RBFOX1: variants seen among roughly 807,000 people sequenced by gnomAD.
RBFOX1 encodes the protein RNA binding protein fox-1 homolog 1.
In RBFOX1, 8 loss-of-function variants were observed where a neutral mutation model predicts 57.7. That is an observed-to-expected ratio of 0.14 (90% CI 0.08 to 0.25). The LOEUF (loss-of-function observed/expected upper bound fraction) is 0.25. Among genes scored for constraint, RBFOX1 ranks in the 10% least tolerant of loss-of-function variants. The pLI is 1.00. For synonymous variants in RBFOX1, 326 were observed against 222.4 expected, an observed-to-expected ratio of 1.47 and a Z score of -4.15; for missense variants, 611 against 548.5, an observed-to-expected ratio of 1.11 and a Z score of -1.14.
At chr16:6,126,875 G>A (rs954648007) in intron 1 of RBFOX1, among the ~76,000 whole-genome samples, 2 of 152,174 alleles carry the variant, frequency 1.3e-5, no homozygotes, top group African/African-American at 4.8e-5. Flanking sequence ...CTCCTGAGAA[G>A]CCAGCTTACA....
intron 3 of RBFOX1, among the ~76,000 whole-genome samples, chr16:5,822,294 AG>A (rs2055884316): frequency 6.6e-6 from 1 of 152,146 alleles, no homozygotes; most frequent in East Asian, 1.9e-4. Context: ...GAATAGGGAG[AG>A]GGGCAAGGGA....
chr16:6,836,518 G>C (rs569831274), intron 3 of RBFOX1, among the ~76,000 whole-genome samples: 2 of 152,286 alleles, frequency 1.3e-5, no homozygotes, highest in East Asian at 3.9e-4. Flanking sequence ...ACGTGAGTTA[G>C]CCTTAGGGTA....
At chr16:5,655,040 G>A (rs1330219453) in intron 3 of RBFOX1, among the ~76,000 whole-genome samples, 4 of 152,202 alleles carry the variant, frequency 2.6e-5, no homozygotes, top group Non-Finnish European at 5.9e-5. Context: ...AGGAGTCCTA[G>A]TGAGGACGCA....
At chr16:7,701,898 C>G (rs1346540346) in intron 14 of RBFOX1, among the ~76,000 whole-genome samples, 16 of 152,160 alleles carry the variant, frequency 1.1e-4, no homozygotes, top group Non-Finnish European at 4.4e-5. Context: ...TATGTTAATG[C>G]TTTCAGGAGG....
chr16:6,293,582 T>C (rs778736020), intron 1 of RBFOX1, among the ~76,000 whole-genome samples: 1 of 152,094 alleles, frequency 6.6e-6, no homozygotes, highest in East Asian at 1.9e-4. Flanking sequence ...GCAATAAACA[T>C]CTGTGAGGTA....
chr16:5,623,462 A>G (rs966509387), intron 3 of RBFOX1, among the ~76,000 whole-genome samples: 1 of 152,176 alleles, frequency 6.6e-6, no homozygotes, highest in African/African-American at 2.4e-5. Context: ...ATCACCAAAC[A>G]AACATGCATG....
At chr16:6,938,520 G>A (rs1366311821) in intron 3 of RBFOX1, among the ~76,000 whole-genome samples, 3 of 152,090 alleles carry the variant, frequency 2.0e-5, no homozygotes, top group Non-Finnish European at 4.4e-5. Context: ...ATTAAATAAG[G>A]TAAATGCCTA....
chr16:5,608,227 C>T (rs2047656303), intron 3 of RBFOX1, among the ~76,000 whole-genome samples: 1 of 152,192 alleles, frequency 6.6e-6, no homozygotes, highest in Non-Finnish European at 1.5e-5. Flanking sequence ...TTGTTACCCT[C>T]ACTTCACGGA....
At chr16:6,067,329 G>T (rs1013551290) in intron 1 of RBFOX1, among the ~76,000 whole-genome samples, 1 of 151,548 alleles carries the variant, frequency 6.6e-6, no homozygotes, top group Non-Finnish European at 1.5e-5. Flanking sequence ...TTCTGTGCCC[G>T]ATATAGCTTC....
At chr16:7,547,693 C>G (rs920851051) in intron 5 of RBFOX1, among the ~76,000 whole-genome samples, 1 of 152,168 alleles carries the variant, frequency 6.6e-6, no homozygotes, top group African/African-American at 2.4e-5. Context: ...ATTTTATTTT[C>G]GTGTTTTTAA....
At chr16:7,510,919 A>C (rs979760543) in intron 4 of RBFOX1, among the ~76,000 whole-genome samples, 6 of 152,158 alleles carry the variant, frequency 3.9e-5, no homozygotes, top group African/African-American at 1.4e-4. Flanking sequence ...TCTTCATTAT[A>C]AGGGTTGAGT....
chr16:6,820,647 A>G (rs2091114438), intron 3 of RBFOX1, among the ~76,000 whole-genome samples: 1 of 149,952 alleles, frequency 6.7e-6, no homozygotes, highest in African/African-American at 2.5e-5. Flanking sequence ...TGACAGAGCA[A>G]GACCCTGTCT....
intron 2 of RBFOX1, among the ~76,000 whole-genome samples, chr16:6,463,977 T>C (rs1271816236): frequency 6.6e-6 from 1 of 152,134 alleles, no homozygotes; most frequent in African/African-American, 2.4e-5. Context: ...CAAATGCTGT[T>C]ACCAGAAAGA....
At chr16:7,283,401 C>G (rs534462635) in intron 4 of RBFOX1, among the ~76,000 whole-genome samples, 2 of 151,988 alleles carry the variant, frequency 1.3e-5, no homozygotes, top group Admixed American at 1.3e-4. Context: ...CCATGAGTTC[C>G]CACAGTTGGA....
intron 2 of RBFOX1, among the ~76,000 whole-genome samples, chr16:6,573,097 C>A (rs894779393): frequency 3.3e-5 from 5 of 152,214 alleles, no homozygotes; most frequent in African/African-American, 1.2e-4. Context: ...CTCCCTCAGA[C>A]CCTAGACCAT....
chr16:6,397,616 T>C (rs1256643491), intron 2 of RBFOX1, among the ~76,000 whole-genome samples: 1 of 152,178 alleles, frequency 6.6e-6, no homozygotes, highest in Non-Finnish European at 1.5e-5. Flanking sequence ...GCAGGGAACA[T>C]GGTAAATATG....
intron 1 of RBFOX1, among the ~76,000 whole-genome samples, chr16:5,409,015 G>C (rs2066939203): frequency 6.6e-6 from 1 of 152,192 alleles, no homozygotes; most frequent in African/African-American, 2.4e-5. Flanking sequence ...AACTGTATCG[G>C]CGGGTGAAAC....
At chr16:5,926,860 C>A (rs900946605) in intron 4 of RBFOX1, among the ~76,000 whole-genome samples, 2 of 152,132 alleles carry the variant, frequency 1.3e-5, no homozygotes, top group Non-Finnish European at 2.9e-5. Flanking sequence ...CCTGTTAAGT[C>A]GGGTATTTTT....
At chr16:6,162,600 G>C (rs1412144681) in intron 1 of RBFOX1, among the ~76,000 whole-genome samples, 1 of 152,126 alleles carries the variant, frequency 6.6e-6, no homozygotes. Flanking sequence ...CAACAACAGT[G>C]GTAACAGTGT....
Sources: gnomAD v4.1 joint callset for allele counts (sites outside exome capture counted in the v4.1 genomes callset) on GRCh38, gnomAD v4.1.1 for gene constraint, MANE v1.5 for transcripts, NCBI Gene and HGNC (gene_info 2026-07-23, HGNC 2026-07-21) for gene names.